The following ASCC1 variants were observed in gnomAD, a reference collection of about 807,000 sequenced individuals.
ASCC1 encodes the protein activating signal cointegrator 1 complex subunit 1, also known as ASC-1 complex subunit P50.
A neutral mutation model predicts 46.6 loss-of-function variants in ASCC1; 35 were observed. That is an observed-to-expected ratio of 0.75 (90% confidence interval 0.57 to 0.99). The LOEUF (loss-of-function observed/expected upper bound fraction) is 0.99, where lower values mean the gene tolerates loss of function less well. ASCC1 is among the 50% of genes least tolerant of loss of function. The probability of loss-of-function intolerance (pLI) is 0.00; values close to 1 mark genes in which losing one functional copy is unlikely to be tolerated. For synonymous variants in ASCC1, 143 were observed against 146.6 expected (o/e 0.98, Z 0.18); for missense variants, 376 against 428.7 (o/e 0.88, Z 1.09).
At chr10:72,208,325 T>G (rs551626992) in intron 3 of ASCC1, among the ~76,000 whole-genome samples, 2 of 152,162 alleles carry the variant, frequency 1.3e-5, no homozygotes, top group Non-Finnish European at 2.9e-5. Flanking sequence ...GATTTTTTTT[T>G]TTTTTTTCCA....
At chr10:72,213,593 T>A (rs1464238168) in intron 1 of ASCC1, among the ~76,000 whole-genome samples, 2 of 132,112 alleles carry the variant, frequency 1.5e-5, no homozygotes, top group Admixed American at 7.7e-5. Flanking sequence ...TTAAAAGGCA[T>A]ACACTCTTAA....
Position 72,102,356 on chromosome 10 carries a change from G to A in ASCC1, c.958-4906C>T, listed in dbSNP as rs902921511. On this transcript the variant is annotated intron_variant, in intron 9 of 9. Coordinates refer to ENST00000672957, the MANE Select transcript of ASCC1 (RefSeq NM_001198800.3). The stretch of plus-strand genomic sequence containing the variant: ...TACCCACTAGCTCTCTGTGTCCCAA[G>A]CCCTTCTCGATTCTAGGATTTTCCT... 4 of 1,549,508 alleles carry A rather than the reference G, an allele frequency of 2.6e-6. No individual in the cohort carries two copies. The African/African-American group carries it at 5.5e-5, about 21-fold the overall frequency.
intron 9 of ASCC1, among the ~76,000 whole-genome samples, chr10:72,104,659 C>G (rs1240586093): frequency 6.6e-6 from 1 of 152,034 alleles, no homozygotes; most frequent in Non-Finnish European, 1.5e-5. Flanking sequence ...ATTTTGAAAC[C>G]TGAAAACATT....
intron 5 of ASCC1, among the ~76,000 whole-genome samples, chr10:72,171,571 C>T (rs1301419881): frequency 1.3e-5 from 2 of 152,134 alleles, no homozygotes; most frequent in African/African-American, 4.8e-5. Context: ...GGATTACAGG[C>T]ACCCGCCACC....
At chr10:72,103,623 C>A (rs1668166) in intron 9 of ASCC1, among the ~76,000 whole-genome samples, 1 of 152,028 alleles carries the variant, frequency 6.6e-6, no homozygotes, top group Non-Finnish European at 1.5e-5. Flanking sequence ...CTGAAGCAGA[C>A]GATAAAACCT....
chr10:72,100,639 T>C (rs547578887), intron 9 of ASCC1, among the ~76,000 whole-genome samples: 3 of 152,326 alleles, frequency 2.0e-5, no homozygotes, highest in African/African-American at 7.2e-5. Flanking sequence ...GTGATCCTCC[T>C]GCCTTGGCCT....
intron 8 of ASCC1, among the ~76,000 whole-genome samples, chr10:72,129,976 CAAAAAAAAAAAAA>C (rs34426096): frequency 4.7e-5 from 3 of 64,326 alleles, no homozygotes; most frequent in East Asian, 6.1e-4. Context: ...GACCTTGTCT[CAAAAAAAAAAAAA>C]AAAAAAAAAA....
chr10:72,118,374 A>T (rs958386401), intron 9 of ASCC1, among the ~76,000 whole-genome samples: 2 of 151,978 alleles, frequency 1.3e-5, no homozygotes, highest in Non-Finnish European at 2.9e-5. Flanking sequence ...CTCAAAAAAA[A>T]AAAAAAGAAA....
chr10:72,124,723 C>CTTTTTTTTTTTTTTT (rs34682603), intron 9 of ASCC1, among the ~76,000 whole-genome samples: 1 of 118,656 alleles, frequency 8.4e-6, no homozygotes. Flanking sequence ...CAAACAACAT[C>CTTTTTTTTTTTTTTT]TTTTTTTTTT....
chr10:72,196,679 G>T, intron 5 of ASCC1, 132 bp downstream of exon 5: 1 of 907,756 alleles, frequency 1.1e-6, no homozygotes, highest in Non-Finnish European at 1.7e-6. Flanking sequence ...AATATAAGAA[G>T]CCAAAAGAAA....
At chr10:72,186,934 A>ACATGCACATGCCCATTTT (rs1345565498) in intron 5 of ASCC1, among the ~76,000 whole-genome samples, 1 of 148,266 alleles carries the variant, frequency 6.7e-6, no homozygotes, top group Admixed American at 6.7e-5. Context: ...AAGCGGATGC[A>ACATGCACATGCCCATTTT]CATGCACATG....
chr10:72,205,094 G>A (rs1469738974), intron 3 of ASCC1, among the ~76,000 whole-genome samples: 2 of 152,222 alleles, frequency 1.3e-5, no homozygotes, highest in African/African-American at 2.4e-5. Context: ...GATCCCTTAA[G>A]CCCAGGAGTT....
At chr10:72,202,101 A>T (rs1856578868) in intron 4 of ASCC1, among the ~76,000 whole-genome samples, 1 of 152,102 alleles carries the variant, frequency 6.6e-6, no homozygotes, top group East Asian at 1.9e-4. Context: ...AATAAATAAA[A>T]ATTTTTAAAT....
chr10:72,211,864 T>C (rs1858182738), intron 2 of ASCC1, among the ~76,000 whole-genome samples: 1 of 151,352 alleles, frequency 6.6e-6, no homozygotes, highest in African/African-American at 2.4e-5. Flanking sequence ...AAAATAACAA[T>C]ACAGCAATAA....
chr10:72,178,204 T>C (rs1168572900), intron 5 of ASCC1, among the ~76,000 whole-genome samples: 1 of 152,170 alleles, frequency 6.6e-6, no homozygotes, highest in Non-Finnish European at 1.5e-5. Context: ...AATGTGACCT[T>C]CACAACAACG....
intron 3 of ASCC1, among the ~76,000 whole-genome samples, chr10:72,209,243 G>A (rs1857686353): frequency 6.6e-6 from 1 of 152,056 alleles, no homozygotes; most frequent in Non-Finnish European, 1.5e-5. Flanking sequence ...CAACACTTTG[G>A]GAGACCAAGG....
At chr10:72,204,869 G>A (rs1856978843) in intron 3 of ASCC1, among the ~76,000 whole-genome samples, 1 of 152,124 alleles carries the variant, frequency 6.6e-6, no homozygotes, top group South Asian at 2.1e-4. Context: ...AGTGCTTTCT[G>A]TCAGGCTCCA....
chr10:72,216,753 A>C (rs920942136), upstream of ASCC1: 2 of 452,052 alleles, frequency 4.4e-6, no homozygotes, highest in Non-Finnish European at 4.5e-6. Flanking sequence ...TAGCTCGGAC[A>C]CAGCAATCTG....
chr10:72,111,644 G>A (rs748814660), intron 9 of ASCC1, among the ~76,000 whole-genome samples: 27 of 151,978 alleles, frequency 1.8e-4, no homozygotes, highest in Non-Finnish European at 3.2e-4. Context: ...GGGGAAGACA[G>A]CATCTTTTTT....
Sources: gnomAD v4.1 joint callset for allele counts (sites outside exome capture counted in the v4.1 genomes callset) on GRCh38, gnomAD v4.1.1 for gene constraint, MANE v1.5 for transcripts, NCBI Gene and HGNC (gene_info 2026-07-23, HGNC 2026-07-21) for gene names.